TSHR: variants seen among roughly 807,000 people sequenced by gnomAD.
TSHR encodes the protein thyroid stimulating hormone receptor, also known as thyrotropin receptor.
TSHR carries 51 observed loss-of-function variants against 64.1 expected under a neutral mutation model. That is an observed-to-expected ratio of 0.80 (90% CI 0.64 to 1.01). The LOEUF (loss-of-function observed/expected upper bound fraction) is 1.01, where lower values mean the gene tolerates loss of function less well. TSHR is among the 50% of genes least tolerant of loss of function. The pLI, the probability that TSHR is intolerant of heterozygous loss-of-function variation, is 0.00. For synonymous variants in TSHR, 361 were observed against 361.9 expected, an observed-to-expected ratio of 1.00 and a Z score of 0.03; for missense variants, 877 against 942.8, an observed-to-expected ratio of 0.93 and a Z score of 0.91.
chr14:80,991,335 G>A (rs986180698), intron 1 of TSHR, among the ~76,000 whole-genome samples: 1 of 152,032 alleles, frequency 6.6e-6, no homozygotes, highest in Admixed American at 6.5e-5. Context: ...TTGAAAACTT[G>A]GACACCCTTC....
At chr14:81,111,986 C>T (rs750287718) in intron 8 of TSHR, among the ~76,000 whole-genome samples, 7 of 152,028 alleles carry the variant, frequency 4.6e-5, no homozygotes, top group Non-Finnish European at 7.4e-5. Context: ...TGTACTGCCT[C>T]GAAGTTGTTT....
chr14:81,014,686 C>T (rs1224422722), intron 1 of TSHR, among the ~76,000 whole-genome samples: 1 of 152,154 alleles, frequency 6.6e-6, no homozygotes, highest in East Asian at 1.9e-4. Flanking sequence ...AGACTTTGTC[C>T]TAGAATTCCC....
intron 1 of TSHR, among the ~76,000 whole-genome samples, chr14:81,024,738 A>G (rs1883959503): frequency 6.6e-6 from 1 of 152,178 alleles, no homozygotes; most frequent in African/African-American, 2.4e-5. Context: ...ATGGCAGGCA[A>G]TCGCAGCTGC....
At chr14:81,000,283 C>T (rs67256654) in intron 1 of TSHR, among the ~76,000 whole-genome samples, 6 of 97,052 alleles carry the variant, frequency 6.2e-5, no homozygotes, top group Admixed American at 3.0e-4. Flanking sequence ...ATGTCATTTC[C>T]GGTTCTTTAA....
At chr14:80,960,514 T>C (rs1282406664) in intron 1 of TSHR, among the ~76,000 whole-genome samples, 2 of 152,232 alleles carry the variant, frequency 1.3e-5, no homozygotes, top group African/African-American at 4.8e-5. Flanking sequence ...TGAAGAATTC[T>C]GACCTGAAAG....
intron 1 of TSHR, among the ~76,000 whole-genome samples, chr14:80,956,560 T>G (rs1332841558): frequency 6.6e-6 from 1 of 152,244 alleles, no homozygotes; most frequent in Non-Finnish European, 1.5e-5. Context: ...AACAGCAATT[T>G]AAATCAGTGA....
rs924893664 is a variant in TSHR, at chr14:81,103,152, G to A, written c.615-5223G>A. ...GGAAGACAAGGATTGAGCTATAGGTGAAGGAAAGAAAGGTCAAGGTTCCAT... is the reference window on the plus strand; with the variant it reads ...GGAAGACAAGGATTGAGCTATAGGTAAAGGAAAGAAAGGTCAAGGTTCCAT... On this transcript the variant is annotated intron_variant, in intron 7 of 9. Coordinates refer to ENST00000298171, the MANE Select transcript of TSHR (RefSeq NM_000369.5). This position sits in a 1 kb window ranked among gnomAD's most constrained non-coding sequence, Gnocchi z 4.1. The A allele has an allele frequency of 5.1e-6, 5 of 985,296 alleles. No homozygotes were observed. The African/African-American group carries it at 8.7e-5, about 17-fold the overall frequency. 61.0% of individuals were successfully genotyped at this position (985,296 alleles called of 1,614,324 possible). A position where few individuals can be genotyped will look rare whatever the true frequency, so the allele number is the denominator to read the frequency against.
At chr14:81,069,980 G>T (rs1417114178) in intron 3 of TSHR, among the ~76,000 whole-genome samples, 1 of 152,076 alleles carries the variant, frequency 6.6e-6, no homozygotes, top group Non-Finnish European at 1.5e-5. Flanking sequence ...AATCTAAAAA[G>T]TCAATAAAAC....
intron 1 of TSHR, chr14:81,032,449 G>T: frequency 3.3e-6 from 1 of 305,598 alleles, no homozygotes; most frequent in South Asian, 4.1e-5. Flanking sequence ...GACACTTCAG[G>T]TTCAAAGAAT....
intron 1 of TSHR, among the ~76,000 whole-genome samples, chr14:81,026,934 G>C (rs143579581): frequency 0.11 from 17,210 of 151,718 alleles, 1,287 homozygotes; most frequent in South Asian, 0.23. Context: ...TATTTGGGAG[G>C]CTGAGGCAGG....
intron 3 of TSHR, among the ~76,000 whole-genome samples, chr14:81,079,641 C>T (rs565841134): frequency 4.6e-5 from 7 of 152,232 alleles, no homozygotes; most frequent in African/African-American, 1.7e-4. Context: ...GGCTTGAGCC[C>T]AGGAGTTTGA....
At chr14:80,989,191 C>T (rs1254569697) in intron 1 of TSHR, among the ~76,000 whole-genome samples, 1 of 152,198 alleles carries the variant, frequency 6.6e-6, no homozygotes, top group Non-Finnish European at 1.5e-5. Context: ...CTTCTTTTCC[C>T]TCCACTTCAG....
At chr14:80,961,497 G>A (rs560662632) in intron 1 of TSHR, among the ~76,000 whole-genome samples, 5 of 152,264 alleles carry the variant, frequency 3.3e-5, no homozygotes, top group Non-Finnish European at 5.9e-5. Flanking sequence ...GAGATGTGGT[G>A]TTCAAGAGCT....
At chr14:81,080,202 T>C (rs558699242) in intron 3 of TSHR, among the ~76,000 whole-genome samples, 22 of 152,184 alleles carry the variant, frequency 1.4e-4, no homozygotes, top group Non-Finnish European at 3.1e-4. Flanking sequence ...TCCTCCTGCC[T>C]CAGCCTCCCA....
chr14:81,095,272 T>C (rs925156600), intron 6 of TSHR, among the ~76,000 whole-genome samples: 19 of 152,218 alleles, frequency 1.2e-4, no homozygotes, highest in African/African-American at 4.3e-4. Context: ...TAGGTGGAAA[T>C]AATTATATTT....
chr14:81,134,251 C>T (rs1891364182), intron 8 of TSHR, among the ~76,000 whole-genome samples: 1 of 152,108 alleles, frequency 6.6e-6, no homozygotes, highest in African/African-American at 2.4e-5. Flanking sequence ...TTTTCTCCTG[C>T]CTCAGCCTCC....
intron 2 of TSHR, 29 bp downstream of exon 2, chr14:81,062,248 T>A: frequency 2.6e-6 from 4 of 1,548,518 alleles, no homozygotes; most frequent in Non-Finnish European, 2.7e-6. Context: ...AAGAAAAGTT[T>A]GCATTTGTGA....
chr14:81,048,268 GA>G (rs1383967289), intron 1 of TSHR, among the ~76,000 whole-genome samples: 1 of 152,000 alleles, frequency 6.6e-6, no homozygotes, highest in Non-Finnish European at 1.5e-5. Context: ...TTTTCATGGG[GA>G]CTTCTCATAT....
intron 1 of TSHR, among the ~76,000 whole-genome samples, chr14:81,054,371 G>A (rs1885626585): frequency 6.6e-6 from 1 of 152,174 alleles, no homozygotes; most frequent in Admixed American, 6.5e-5. Context: ...TGTGAAAATG[G>A]ATTAATACAG....
Sources: gnomAD v4.1 joint callset for allele counts (sites outside exome capture counted in the v4.1 genomes callset) on GRCh38, gnomAD v4.1.1 for gene constraint, Gnocchi (gnomAD v3.1) non-coding constraint, MANE v1.5 for transcripts, NCBI Gene and HGNC (gene_info 2026-07-23, HGNC 2026-07-21) for gene names.